The following FMN1 variants were observed in gnomAD, a reference collection of about 807,000 sequenced individuals.
FMN1 encodes formin-1.
A neutral mutation model predicts 132.4 loss-of-function variants in FMN1; 110 were observed. That is an observed-to-expected ratio of 0.83 (90% confidence interval 0.71 to 0.97). The LOEUF (loss-of-function observed/expected upper bound fraction) is 0.97. Among genes scored for constraint, FMN1 ranks in the 50% least tolerant of loss-of-function variants. The pLI is 0.00. For missense variants in FMN1, 1,792 were observed against 1,705.3 expected, an observed-to-expected ratio of 1.05 and a Z score of -0.90; for synonymous variants, 722 against 651.7, an observed-to-expected ratio of 1.11 and a Z score of -1.64.
chr15:33,048,644 A>AACAAAAAAAAAAAAAAAAAAC (rs1555388955), intron 6 of FMN1, among the ~76,000 whole-genome samples: 2 of 86,920 alleles, frequency 2.3e-5, no homozygotes, highest in African/African-American at 8.2e-5. Flanking sequence ...AAAAAAAAAA[A>AACAAAAAAAAAAAAAAAAAAC]AAAAACCAAC....
chr15:32,965,751 GA>G (rs1261941583), intron 8 of FMN1, among the ~76,000 whole-genome samples: 3 of 151,984 alleles, frequency 2.0e-5, no homozygotes, highest in Admixed American at 6.6e-5. Context: ...TTTAAATTAT[GA>G]TTTCGCCAAT....
rs750514465 is a variant in FMN1, at chr15:32,798,872, C to T, written c.4062G>A (p.Val1354=). 1.9e-6 allele frequency: 3 copies of T among 1,613,700 alleles called. No individual in the cohort carries two copies. The highest frequency in any genetic ancestry group is 2.5e-6 in the Non-Finnish European group (3 of 1,179,722). The change falls in exon 19 of 21, where the codon GTG becomes GTA. Residue 1354 remains valine (V), a synonymous_variant. Coordinates refer to ENST00000616417, the MANE Select transcript of FMN1 (RefSeq NM_001277313.2). ...KEITPSYVFM[V]WYEFCSDFKT... The stretch of plus-strand genomic sequence containing the variant: ...TGAAGTCACTGCAGAACTCATACCA[C>T]ACCATAAACACGTAGCTGGGTGTGA...
chr15:32,880,828 C>T (rs2059752615), intron 16 of FMN1, among the ~76,000 whole-genome samples: 1 of 152,176 alleles, frequency 6.6e-6, no homozygotes, highest in African/African-American at 2.4e-5. Flanking sequence ...CCCCACATCC[C>T]ACCTACTCCT....
chr15:32,950,232 T>C (rs893842916), intron 9 of FMN1, among the ~76,000 whole-genome samples: 4 of 150,782 alleles, frequency 2.7e-5, no homozygotes, highest in Admixed American at 2.0e-4. Flanking sequence ...TTTTACACTG[T>C]TGGTGGGAGA....
chr15:32,881,350 C>T (rs2059765531), intron 16 of FMN1, among the ~76,000 whole-genome samples: 1 of 152,128 alleles, frequency 6.6e-6, no homozygotes, highest in Non-Finnish European at 1.5e-5. Context: ...ATTCAGCTTT[C>T]TTGTTTGATT....
At chr15:33,097,728 T>C (rs777719213) in intron 4 of FMN1, among the ~76,000 whole-genome samples, 21 of 152,196 alleles carry the variant, frequency 1.4e-4, no homozygotes, top group Non-Finnish European at 2.9e-4. Context: ...TTTTCATTAT[T>C]TGTACCTCGC....
At chr15:33,047,727 G>A (rs343909) in intron 6 of FMN1, among the ~76,000 whole-genome samples, 1 of 152,020 alleles carries the variant, frequency 6.6e-6, no homozygotes, top group African/African-American at 2.4e-5. Context: ...TTTTTGAAAT[G>A]CAGGTTCTGG....
intron 7 of FMN1, among the ~76,000 whole-genome samples, chr15:32,988,067 T>TC (rs1158772091): frequency 6.8e-6 from 1 of 146,692 alleles, no homozygotes; most frequent in African/African-American, 2.6e-5. Flanking sequence ...TTTTTTTTTT[T>TC]TTTCTTTTTT....
intron 9 of FMN1, among the ~76,000 whole-genome samples, chr15:32,938,627 C>T (rs141443642): frequency 0.011 from 1,653 of 152,216 alleles, 30 homozygotes; most frequent in African/African-American, 0.038. Flanking sequence ...TCATAGGACT[C>T]ATAGAAATCA....
chr15:33,144,034 A>G (rs1964111008), intron 4 of FMN1, among the ~76,000 whole-genome samples: 3 of 152,218 alleles, frequency 2.0e-5, no homozygotes, highest in African/African-American at 4.8e-5. Context: ...AGAAATTGAG[A>G]ACACTTTGAA....
At chr15:33,062,345 G>A (rs936732587) in intron 6 of FMN1, among the ~76,000 whole-genome samples, 2 of 152,164 alleles carry the variant, frequency 1.3e-5, no homozygotes, top group Non-Finnish European at 2.9e-5. Context: ...CAGTAGGCCA[G>A]GCACGGTGGC....
At position 33,033,315 on chromosome 15, in the gene FMN1, C is replaced by T. The variant is rs560860663; in HGVS notation, c.2162-25240G>A. 2.9e-3 allele frequency among the ~76,000 whole-genome samples: 442 copies of T among 152,316 alleles called. 4 individuals carry two copies. The highest frequency in any genetic ancestry group is 0.01 in the African/African-American group (420 of 41,560). On this transcript the variant is annotated intron_variant, in intron 6 of 20. Coordinates refer to ENST00000616417, the MANE Select transcript of FMN1 (RefSeq NM_001277313.2). ...AAAGTGCTGGGATTACAGGCGTGAG[C>T]CACCACGCCTGGCTCATCTTCGCTC...
chr15:33,093,781 A>G (rs2038984378), intron 4 of FMN1, among the ~76,000 whole-genome samples: 1 of 152,232 alleles, frequency 6.6e-6, no homozygotes, highest in South Asian at 2.1e-4. Context: ...GAGAGTGGGG[A>G]GCAAGCTCTG....
chr15:32,900,346 G>C, intron 13 of FMN1: 1 of 685,364 alleles, frequency 1.5e-6, no homozygotes, highest in African/African-American at 1.8e-5. Context: ...ATTATAAACA[G>C]TGCATGTTTT....
intron 9 of FMN1, among the ~76,000 whole-genome samples, chr15:32,963,182 C>T (rs7175186): frequency 0.034 from 5,171 of 150,236 alleles, 88 homozygotes; most frequent in East Asian, 0.098. Context: ...GATGAGTTCA[C>T]GTCCTTTGTA....
chr15:33,014,435 G>A (rs1192237663), intron 6 of FMN1, among the ~76,000 whole-genome samples: 1 of 152,180 alleles, frequency 6.6e-6, no homozygotes, highest in African/African-American at 2.4e-5. Context: ...TGTGTGAAAA[G>A]GAGGAACAGG....
At chr15:32,920,797 T>G (rs1032459783) in intron 10 of FMN1, among the ~76,000 whole-genome samples, 1 of 152,248 alleles carries the variant, frequency 6.6e-6, no homozygotes, top group Non-Finnish European at 1.5e-5. Flanking sequence ...GCATCTGATG[T>G]GAGCAACCGT....
Position 32,911,199 on chromosome 15 carries a change from A to T in FMN1, c.3227-664T>A, listed in dbSNP as rs538156469. Among the ~76,000 whole-genome samples, 3 of 152,352 alleles carry T rather than the reference A, an allele frequency of 2.0e-5. No homozygotes were observed. In the South Asian group the frequency reaches 6.2e-4, roughly 32 times the overall value. On this transcript the variant is annotated intron_variant, in intron 10 of 20. Coordinates refer to ENST00000616417, the MANE Select transcript of FMN1 (RefSeq NM_001277313.2). The stretch of plus-strand genomic sequence containing the variant: ...CGTTAACTAATATGCTTATGATTTC[A>T]TCTAGAGAGGTACCTTCCCATAGAT...
intron 8 of FMN1, 125 bp from the exon 9 acceptor site, chr15:32,964,382 A>G (rs2030977260): frequency 1.4e-6 from 1 of 692,330 alleles, no homozygotes. Flanking sequence ...AACTCTAATA[A>G]TGCTTGGAGA....
Sources: gnomAD v4.1 joint callset for allele counts (sites outside exome capture counted in the v4.1 genomes callset) on GRCh38, gnomAD v4.1.1 for gene constraint, MANE v1.5 for transcripts, NCBI Gene and HGNC (gene_info 2026-07-23, HGNC 2026-07-21) for gene names.